The following PARP2 variants were observed in gnomAD, a reference collection of about 807,000 sequenced individuals.
PARP2 encodes poly [ADP-ribose] polymerase 2.
A neutral mutation model predicts 77.8 loss-of-function variants in PARP2; 57 were observed. The observed-to-expected ratio is 0.73, with a 90% CI of 0.59 to 0.91. PARP2 has a LOEUF of 0.91. Ranked by LOEUF, PARP2 falls within the 40% of genes least tolerant of loss-of-function variation. The pLI is 0.00. For missense variants in PARP2, 651 were observed against 689.0 expected (o/e 0.94, Z 0.62); for synonymous variants, 226 against 242.6 (o/e 0.93, Z 0.64).
In PARP2 at chr14:20,343,664, GCA is replaced by G. The variant is rs1566415056; in HGVS notation, c.25_26del (p.Thr9ArgfsTer10). The G allele has an allele frequency of 3.0e-5, 48 of 1,610,534 alleles. 1 individual carries two copies. The South Asian group carries it at 5.0e-4, about 17-fold the overall frequency. On this transcript the variant is annotated frameshift_variant, in exon 1 of 16. Transcript: ENST00000429687. LOFTEE classifies it high-confidence loss of function. ...TCCATGGCGGCGCGGCGGCGACGGAGCACCGGCGGCGGCAGGGCGAGAGGTTC... is the reference window on the plus strand; with the variant it reads ...TCCATGGCGGCGCGGCGGCGACGGAGCCGGCGGCGGCAGGGCGAGAGGTTC...
At chr14:20,344,880 C>T (rs1883651897) in intron 1 of PARP2, 52 bp from the exon 2 acceptor site, 2 of 1,083,592 alleles carry the variant, frequency 1.8e-6, no homozygotes, top group Admixed American at 4.3e-5. Flanking sequence ...TCTTTAAAAT[C>T]TACACGTATT....
rs772688959 is a variant in PARP2, at chr14:20,357,182, TATTA to T, written c.1428+37_1428+40del. On this transcript the variant is annotated intron_variant, in intron 14 of 15. Transcript: ENST00000429687. ...AGGAGTATGTCTGTGATCTCTAGTT[TATTA>T]ATTCCAGTTTTTTTCCGATGAGAAA... is the stretch of plus-strand genomic sequence containing the variant. 14 of 1,489,994 alleles carry T rather than the reference TATTA, an allele frequency of 9.4e-6. No individual in the cohort carries two copies. In the Admixed American group the frequency reaches 2.0e-4, roughly 21 times the overall value. The allele number at this position is 1,489,994 out of a possible 1,614,324, so 92.3% of individuals were successfully genotyped here. A position where few individuals can be genotyped will look rare whatever the true frequency, so the allele number is the denominator to read the frequency against.
At chr14:20,356,760 C>G (rs991399658) in intron 13 of PARP2, 71 bp downstream of exon 13, 28 of 1,219,138 alleles carry the variant, frequency 2.3e-5, no homozygotes, top group Middle Eastern at 3.8e-4. Context: ...GCTTTTTTTC[C>G]TAGATTAGGA....
intron 2 of PARP2, 22 bp from the exon 3 acceptor site, chr14:20,345,372 G>A: frequency 6.3e-7 from 1 of 1,594,862 alleles, no homozygotes; most frequent in Non-Finnish European, 8.6e-7. Context: ...CCATAAAGTA[G>A]TACCTATCTG....
Position 20,355,937 on chromosome 14 carries a change from C to G in PARP2, c.1007C>G (p.Thr336Arg), listed in dbSNP as rs1566424279. 6.2e-7 allele frequency: 1 copy of G among 1,614,146 alleles called. No individual in the cohort carries two copies. The change falls in exon 11 of 16, where the codon ACA (threonine) becomes AGA (arginine). Residue 336 changes from threonine (T) to arginine (R), a missense_variant. Physicochemically the swap from Thr to Arg is moderately conservative, Grantham distance 71. Coordinates refer to ENST00000429687, the MANE Select transcript of PARP2 (RefSeq NM_001042618.2). ...DIEIAIKLVK[T>R]ELQSPEHPLD... ...GAAATTGCTATTAAGCTGGTGAAAA[C>G]AGAGCTACAAAGCCCAGAACACCCA...
intron 3 of PARP2, 65 bp from the exon 4 acceptor site, chr14:20,346,798 C>T (rs1883736252): frequency 9.7e-7 from 1 of 1,033,392 alleles, no homozygotes; most frequent in Non-Finnish European, 1.5e-6. Flanking sequence ...AAATTTAGAG[C>T]CTCATTTAGG....
chr14:20,357,381 T>C lies in PARP2; in HGVS notation c.1429-15T>C. ...TTAGTAGGATATGGGAATTCAAAGG[T>C]TTTTTGCTTTGCAGGTAGCTCTAGG... On this transcript the variant is annotated splice_polypyrimidine_tract_variant and intron_variant, in intron 14 of 15. Coordinates refer to ENST00000429687, the MANE Select transcript of PARP2 (RefSeq NM_001042618.2). 3.8e-6 allele frequency: 6 copies of C among 1,585,550 alleles called. No homozygotes were observed. Among genetic ancestry groups the C allele is most frequent in the Non-Finnish European group, 5.1e-6 (6 of 1,169,344 alleles).
chr14:20,345,104 A>C lies in PARP2; in HGVS notation c.202+17A>C. On this transcript the variant is annotated intron_variant, in intron 2 of 15. Transcript: ENST00000429687. ...AGCAAGATGGTATGCCAGGAAGGTCATGGGCCAGCAAAAGGGTCTCTGGTA... is the reference window on the plus strand; with the variant it reads ...AGCAAGATGGTATGCCAGGAAGGTCCTGGGCCAGCAAAAGGGTCTCTGGTA... 6.2e-7 allele frequency: 1 copy of C among 1,613,856 alleles called. No homozygotes were observed. Among genetic ancestry groups the C allele is most frequent in the Non-Finnish European group, 8.5e-7 (1 of 1,179,766 alleles).
chr14:20,357,239 C>T (rs1884191598), intron 14 of PARP2, 90 bp downstream of exon 14: 2 of 1,321,366 alleles, frequency 1.5e-6, no homozygotes, highest in East Asian at 4.6e-5. Flanking sequence ...AAGAGGTTTA[C>T]CTGGGATAGC....
rs1319824725 is a variant in PARP2 at position 20,343,644 on chromosome 14, G to GGCGGC, written c.10_14dup (p.Arg6GlyfsTer14). The GGCGGC allele has an allele frequency of 6.2e-7, 1 of 1,609,682 alleles. No homozygotes were observed. Among genetic ancestry groups the GGCGGC allele is most frequent in the Non-Finnish European group, 8.5e-7 (1 of 1,178,822 alleles). ...GATGACGTCAGCGTTCGAATTCCATGGCGGCGCGGCGGCGACGGAGCACCG... is the reference window on the plus strand; with the variant it reads ...GATGACGTCAGCGTTCGAATTCCATGGCGGCGCGGCGCGGCGGCGACGGAGCACCG... On this transcript the variant is annotated frameshift_variant, in exon 1 of 16. Coordinates refer to ENST00000429687, the MANE Select transcript of PARP2 (RefSeq NM_001042618.2). LOFTEE classifies it high-confidence loss of function.
rs774318677 is a variant in PARP2 at position 20,357,748 on chromosome 14, G to A, written c.1664G>A (p.Arg555His). Residue 555 changes from arginine to histidine, a missense_variant, in exon 16 of 16, where the codon CGT (arginine) becomes CAT (histidine). By Grantham distance (29) the Arg-to-His change is conservative. Transcript: ENST00000429687. The stretch of plus-strand genomic sequence containing the variant: ...ATTGTATATAACCCCAACCAGGTCC[G>A]TATGCGGTACCTTTTAAAGGTTCAG... ...EYIVYNPNQV[R>H]MRYLLKVQFN... 7.0e-5 allele frequency: 113 copies of A among 1,613,526 alleles called. No individual in the cohort carries two copies. The highest frequency in any genetic ancestry group is 8.2e-5 in the Non-Finnish European group (97 of 1,179,756).
intron 6 of PARP2, among the ~76,000 whole-genome samples, chr14:20,351,891 G>A (rs1301013829): frequency 6.6e-6 from 1 of 152,102 alleles, no homozygotes; most frequent in Non-Finnish European, 1.5e-5. Context: ...TATTCAGTTA[G>A]AATTTTTAAA....
chr14:20,356,212 A>C (rs1228243903), intron 11 of PARP2, 95 bp from the exon 12 acceptor site: 1 of 1,476,670 alleles, frequency 6.8e-7, no homozygotes, highest in East Asian at 2.3e-5. Flanking sequence ...TGGGAGCAGA[A>C]AGGTCTGCCA....
In PARP2 at chr14:20,345,406, C is replaced by T. The variant is rs930586009; in HGVS notation, c.215C>T (p.Ala72Val). The change falls in exon 3 of 16, where the codon GCC (alanine) becomes GTC (valine). Residue 72 changes from alanine to valine, a missense_variant. Ala to Val is a moderately conservative substitution (Grantham distance 64). Transcript: ENST00000429687. Reference sequence around the variant, plus strand: ...TGTCTTTCCTCAGAATCTGTGAAGGCCTTGCTGTTAAAGGGCAAAGCTCCT... The same window carrying T: ...TGTCTTTCCTCAGAATCTGTGAAGGTCTTGCTGTTAAAGGGCAAAGCTCCT... ...TEDKQDESVK[A>V]LLLKGKAPVD... The T allele has an allele frequency of 1.2e-6, 2 of 1,613,538 alleles. No individual in the cohort carries two copies. The highest frequency in any genetic ancestry group is 1.7e-6 in the Non-Finnish European group (2 of 1,179,494).
At position 20,354,927 on chromosome 14, in the gene PARP2, C is replaced by T. The variant is rs1884090147; in HGVS notation, c.882C>T (p.Thr294=). ...TGGAAGCATGCAATGAATTCTACACCAGGATTCCGCATGACTTTGGGTAAG... is the reference window on the plus strand; with the variant it reads ...TGGAAGCATGCAATGAATTCTACACTAGGATTCCGCATGACTTTGGGTAAG... ...ALMEACNEFY[T]RIPHDFGLRT... Residue 294 remains threonine, a synonymous_variant, in exon 9 of 16, where the codon ACC becomes ACT. Transcript: ENST00000429687. 1.2e-6 allele frequency: 2 copies of T among 1,613,680 alleles called. No homozygotes were observed. Among genetic ancestry groups the T allele is most frequent in the East Asian group, 4.5e-5 (2 of 44,872 alleles).
At chr14:20,351,876 G>C (rs78341331) in intron 6 of PARP2, among the ~76,000 whole-genome samples, 2 of 88,100 alleles carry the variant, frequency 2.3e-5, no homozygotes, top group Non-Finnish European at 6.3e-5. Context: ...AAGAAAAAAA[G>C]AGAATATTCA....
At chr14:20,350,860 C>CTGCT in intron 5 of PARP2, 187 bp from the exon 6 acceptor site, 2 of 612,164 alleles carry the variant, frequency 3.3e-6, no homozygotes, top group Non-Finnish European at 5.8e-6. Flanking sequence ...TATAGTTGAA[C>CTGCT]TGCTAGTAGT....
In PARP2 at chr14:20,356,709, G is replaced by C. The variant is rs759889182; in HGVS notation, c.1329+20G>C. On this transcript the variant is annotated intron_variant, in intron 13 of 15. Transcript: ENST00000429687. ...TACATGGTGAGTGAAATTGAACTCT[G>C]GGAGGAGCACAGGGGAAAGGGATAC... 4 of 1,555,084 alleles carry C rather than the reference G, an allele frequency of 2.6e-6. No homozygotes were observed. Among genetic ancestry groups the C allele is most frequent in the Non-Finnish European group, 3.6e-6 (4 of 1,126,090 alleles).
rs374239476 is a variant in PARP2, at chr14:20,352,558, C to CTTTTTTTTTTTT, written c.600+221_600+222insTTTTTTTTTTTT. ...CCACTCTGCCCAGCTGATTTTTTTT[C>CTTTTTTTTTTTT]TTTTTTTTTTGTAAAGATGAGGTTT... On this transcript the variant is annotated intron_variant, in intron 7 of 15. Transcript: ENST00000429687. The CTTTTTTTTTTTT allele has an allele frequency of 3.3e-3, 709 of 215,310 alleles. 2 individuals are homozygous for CTTTTTTTTTTTT. Among genetic ancestry groups the CTTTTTTTTTTTT allele is most frequent in the South Asian group, 4.8e-3 (35 of 7,220 alleles). The allele number at this position is 215,310 out of a possible 1,614,324, so 13.3% of individuals were successfully genotyped here. A position where few individuals can be genotyped will look rare whatever the true frequency, so the allele number is the denominator to read the frequency against.
Sources: gnomAD v4.1 joint callset for allele counts (sites outside exome capture counted in the v4.1 genomes callset) on GRCh38, gnomAD v4.1.1 for gene constraint, MANE v1.5 for transcripts, NCBI Gene and HGNC (gene_info 2026-07-23, HGNC 2026-07-21) for gene names.